Variants in CRB2 observed in about 807,000 individuals in gnomAD.
The protein encoded by CRB2 is crumbs cell polarity complex component 2.
In CRB2, 85 loss-of-function variants were observed where a neutral mutation model predicts 110.9. The ratio of observed to expected loss-of-function variants is 0.77; its 90% CI spans 0.64 to 0.92. The LOEUF (loss-of-function observed/expected upper bound fraction) is 0.92, where lower values mean the gene tolerates loss of function less well. CRB2 is among the 40% of genes least tolerant of loss of function. The pLI is 0.00. For synonymous variants in CRB2, 907 were observed against 831.0 expected, an observed-to-expected ratio of 1.09 and a Z score of -1.57; for missense variants, 1,843 against 1,851.3, an observed-to-expected ratio of 1.00 and a Z score of 0.08.
At chr9:123,368,527 C>T (rs1048038216) in intron 6 of CRB2, among the ~76,000 whole-genome samples, 1 of 152,242 alleles carries the variant, frequency 6.6e-6, no homozygotes, top group Non-Finnish European at 1.5e-5. Context: ...TTTTTCCTTG[C>T]CACAGCCCCA....
downstream of CRB2, among the ~76,000 whole-genome samples, chr9:123,379,227 TGGTC>T (rs1263059253): frequency 1.3e-5 from 2 of 151,638 alleles, no homozygotes; most frequent in Non-Finnish European, 1.5e-5. Context: ...CACTATGGGG[TGGTC>T]GATTGGTCTG....
At chr9:123,362,167 G>A (rs2041875912) in intron 1 of CRB2, among the ~76,000 whole-genome samples, 1 of 152,216 alleles carries the variant, frequency 6.6e-6, no homozygotes, top group African/African-American at 2.4e-5. Context: ...GTAGTGATGT[G>A]GAGAAGGGGT....
chr9:123,356,139 A>AG (rs1441473766), upstream of CRB2: 1 of 401,934 alleles, frequency 2.5e-6, no homozygotes, highest in African/African-American at 8.1e-5. Context: ...CGGGGAGGGG[A>AG]GGGAGGGGCT....
intron 1 of CRB2, among the ~76,000 whole-genome samples, chr9:123,357,320 C>T (rs763594482): frequency 3.9e-5 from 6 of 151,922 alleles, no homozygotes; most frequent in South Asian, 2.1e-4. Flanking sequence ...CCCCTGCCCC[C>T]ACCACCACAG....
chr9:123,374,462 A>AG (rs2042072648), intron 10 of CRB2, 117 bp from the exon 11 acceptor site: 1 of 710,722 alleles, frequency 1.4e-6, no homozygotes, highest in Admixed American at 2.2e-5. Context: ...TGCCCAATAG[A>AG]GGAAGGCCCT....
rs1428456674 is a variant in CRB2, at chr9:123,378,611, GAACTTTCTCTAC to G, written c.*1553_*1564del. The stretch of plus-strand genomic sequence containing the variant: ...GTAGGAGGTGGGACCACCTTTCCCT[GAACTTTCTCTAC>G]AACCCTTGGGAGCGTGGGGAGGAGG... On this transcript the variant is annotated 3_prime_UTR_variant, in exon 13 of 13. Coordinates refer to ENST00000373631, the MANE Select transcript of CRB2 (RefSeq NM_173689.7). The G allele has an allele frequency of 6.6e-6, 1 of 152,176 alleles. No homozygotes were observed. The highest frequency in any genetic ancestry group is 1.5e-5 in the Non-Finnish European group (1 of 68,074). 9.4% of individuals were successfully genotyped at this position (152,176 alleles called of 1,614,324 possible).
chr9:123,364,631 G>A (rs371027586), intron 2 of CRB2, among the ~76,000 whole-genome samples: 2 of 152,132 alleles, frequency 1.3e-5, no homozygotes, highest in African/African-American at 2.4e-5. Context: ...CTGAGAAGGG[G>A]GAGGGTTCCA....
intron 12 of CRB2, among the ~76,000 whole-genome samples, chr9:123,375,729 T>C (rs1335660566): frequency 6.6e-6 from 1 of 152,154 alleles, no homozygotes; most frequent in East Asian, 1.9e-4. Context: ...TGAGCCAGTG[T>C]CCTGAGTAGG....
chr9:123,379,097 G>A (rs1369812232), downstream of CRB2, among the ~76,000 whole-genome samples: 1 of 132,688 alleles, frequency 7.5e-6, no homozygotes, highest in African/African-American at 2.8e-5. Flanking sequence ...GAGCCACCGC[G>A]CCCGGCCCGC....
At chr9:123,366,710 T>TGGG (rs970772238) in intron 4 of CRB2, among the ~76,000 whole-genome samples, 1 of 152,102 alleles carries the variant, frequency 6.6e-6, no homozygotes. Context: ...CCCAGCACTT[T>TGGG]GGGAGGCTGA....
At chr9:123,361,708 GGA>G (rs1279708824) in intron 1 of CRB2, among the ~76,000 whole-genome samples, 1 of 152,204 alleles carries the variant, frequency 6.6e-6, no homozygotes, top group Non-Finnish European at 1.5e-5. Flanking sequence ...GCGGTGCTGG[GGA>G]GCTGAATAGT....
At chr9:123,374,536 C>A (rs771157061) in intron 10 of CRB2, 43 bp from the exon 11 acceptor site, 5 of 1,450,338 alleles carry the variant, frequency 3.4e-6, no homozygotes, top group Non-Finnish European at 4.8e-6. Context: ...GAGGGCAGGT[C>A]CCAGGTGTCC....
chr9:123,356,806 T>C (rs962184825), intron 1 of CRB2, among the ~76,000 whole-genome samples: 3 of 151,794 alleles, frequency 2.0e-5, no homozygotes, highest in Non-Finnish European at 2.9e-5. Context: ...GTGGGTGTGT[T>C]AGAGTTGGGA....
chr9:123,356,416 C>G, intron 1 of CRB2, 62 bp downstream of exon 1: 1 of 1,346,310 alleles, frequency 7.4e-7, no homozygotes. Context: ...GACAGATACC[C>G]CAAGCCTTGG....
chr9:123,354,681 A>G (rs1017596453), upstream of CRB2, among the ~76,000 whole-genome samples: 4 of 152,028 alleles, frequency 2.6e-5, no homozygotes, highest in African/African-American at 7.3e-5. Flanking sequence ...GGGATTAAAG[A>G]TGGACTGAGA....
Position 123,373,797 on chromosome 9 carries a change from C to T in CRB2, c.3266C>T (p.Pro1089Leu), listed in dbSNP as rs572126445. Residue 1089 changes from proline (P) to leucine (L), a missense_variant, in exon 10 of 13, where the codon CCG becomes CTG. By Grantham distance (98) the Pro-to-Leu change is moderately conservative. Transcript: ENST00000373631. ...ACACGPGWEG[P>L]RCEAHVDPCH... Reference sequence around the variant, plus strand: ...GCCTGCGGCCCGGGGTGGGAAGGCCCGCGCTGCGAAGCCCACGTCGACCCC... The same window carrying T: ...GCCTGCGGCCCGGGGTGGGAAGGCCTGCGCTGCGAAGCCCACGTCGACCCC... The T allele has an allele frequency of 6.3e-6, 10 of 1,590,484 alleles. No individual in the cohort carries two copies. Among genetic ancestry groups the T allele is most frequent in the Admixed American group, 3.4e-5 (2 of 59,390 alleles).
rs201712752 is a variant in CRB2, at chr9:123,376,855, G to A, written c.3651G>A (p.Pro1217=). 209 of 1,608,388 alleles carry A rather than the reference G, an allele frequency of 1.3e-4. No individual in the cohort carries two copies. Among genetic ancestry groups the A allele is most frequent in the Middle Eastern group, 2.1e-4 (1 of 4,842 alleles). ...TCTTGCAGAAGGGCCTGCCCCTGCCGCTGCCATTCCCACTGCTGGAGGTGG... is the reference window on the plus strand; with the variant it reads ...TCTTGCAGAAGGGCCTGCCCCTGCCACTGCCATTCCCACTGCTGGAGGTGG... ...FCEVAKGLPL[P]LPFPLLEVAV... The change falls in exon 13 of 13, where the codon CCG becomes CCA. Residue 1217 remains proline (P), a synonymous_variant. Coordinates refer to ENST00000373631, the MANE Select transcript of CRB2 (RefSeq NM_173689.7).
Position 123,373,879 on chromosome 9 carries a change from C to T in CRB2, c.3348C>T (p.Phe1116=), listed in dbSNP as rs2042061186. The T allele has an allele frequency of 1.9e-6, 3 of 1,549,828 alleles. No homozygotes were observed. Among genetic ancestry groups the T allele is most frequent in the South Asian group, 2.4e-5 (2 of 84,726 alleles). Residue 1116 remains phenylalanine, a synonymous_variant, in exon 10 of 13, where the codon TTC becomes TTT. Transcript: ENST00000373631. The part of the protein sequence containing the change: ...GRCHTHPDGR[F]ECRCPPGFGG... ...GTCACACGCACCCCGACGGCCGCTT[C>T]GAGTGCCGCTGCCCGCCTGGCTTCG...
At chr9:123,380,085 G>GT (rs2042199522), downstream of CRB2, 1 of 152,240 alleles carries the variant, frequency 6.6e-6, no homozygotes, top group Admixed American at 6.5e-5. Context: ...GGCTCCCTGG[G>GT]TGACATCTCC....
Sources: gnomAD v4.1 joint callset for allele counts (sites outside exome capture counted in the v4.1 genomes callset) on GRCh38, gnomAD v4.1.1 for gene constraint, MANE v1.5 for transcripts, NCBI Gene and HGNC (gene_info 2026-07-23, HGNC 2026-07-21) for gene names.